KALRN: variants seen among roughly 807,000 people sequenced by gnomAD.
KALRN encodes the protein kalirin RhoGEF kinase, also known as kalirin.
KALRN carries 70 observed loss-of-function variants against 353.7 expected under a neutral mutation model. The observed-to-expected ratio is 0.20, with a 90% CI of 0.16 to 0.24. The LOEUF (loss-of-function observed/expected upper bound fraction) is 0.24, where lower values mean the gene tolerates loss of function less well. Among genes scored for constraint, KALRN ranks in the 10% least tolerant of loss-of-function variants. The pLI, the probability that KALRN is intolerant of heterozygous loss-of-function variation, is 1.00. For synonymous variants in KALRN, 1,391 were observed against 1,434.8 expected, an observed-to-expected ratio of 0.97 and a Z score of 0.69; for missense variants, 2,791 against 3,756.7, an observed-to-expected ratio of 0.74 and a Z score of 6.72.
intron 1 of KALRN, among the ~76,000 whole-genome samples, chr3:124,218,838 A>G (rs2077594945): frequency 6.6e-6 from 1 of 152,216 alleles, no homozygotes; most frequent in Non-Finnish European, 1.5e-5. Flanking sequence ...GAGAGGCGTT[A>G]CCCATATGTT....
chr3:124,134,422 C>T (rs540020672), intron 1 of KALRN, among the ~76,000 whole-genome samples: 3 of 152,160 alleles, frequency 2.0e-5, no homozygotes, highest in African/African-American at 7.2e-5. Context: ...TATAAAAATT[C>T]TAGAAGACAG....
intron 14 of KALRN, among the ~76,000 whole-genome samples, chr3:124,420,098 G>C (rs895923508): frequency 6.6e-5 from 10 of 152,174 alleles, no homozygotes; most frequent in African/African-American, 2.4e-4. Flanking sequence ...TGTTCCTGAG[G>C]CATGCAGAGG....
chr3:124,084,243 T>C (rs2060689716), intron 1 of KALRN, among the ~76,000 whole-genome samples: 1 of 152,234 alleles, frequency 6.6e-6, no homozygotes, highest in South Asian at 2.1e-4. Flanking sequence ...TGGTTCTGCT[T>C]TCTTTCCTTC....
intron 10 of KALRN, among the ~76,000 whole-genome samples, chr3:124,384,139 G>A (rs2087832476): frequency 6.6e-6 from 1 of 152,154 alleles, no homozygotes; most frequent in African/African-American, 2.4e-5. Flanking sequence ...AAATGCTCTG[G>A]AGAATACCAT....
At chr3:124,577,469 A>G (rs2074224757) in intron 34 of KALRN, among the ~76,000 whole-genome samples, 1 of 152,164 alleles carries the variant, frequency 6.6e-6, no homozygotes, top group Non-Finnish European at 1.5e-5. Flanking sequence ...AAACAGAGAT[A>G]AGAAGGAGAA....
intron 28 of KALRN, among the ~76,000 whole-genome samples, chr3:124,486,092 G>C (rs139372188): frequency 6.6e-6 from 1 of 152,072 alleles, no homozygotes; most frequent in African/African-American, 2.4e-5. Flanking sequence ...GAAACTTTAC[G>C]TCAGAGTGCT....
chr3:124,515,897 A>C (rs1043420767), intron 33 of KALRN, among the ~76,000 whole-genome samples: 12 of 152,152 alleles, frequency 7.9e-5, no homozygotes, highest in African/African-American at 2.7e-4. Flanking sequence ...GGGCTATATA[A>C]AATAATGGCT....
chr3:124,397,706 A>G (rs1040168394), intron 12 of KALRN, among the ~76,000 whole-genome samples: 2 of 152,184 alleles, frequency 1.3e-5, no homozygotes, highest in African/African-American at 4.8e-5. Flanking sequence ...TCCCTCTATA[A>G]GGCATCACCT....
intron 33 of KALRN, among the ~76,000 whole-genome samples, chr3:124,510,422 A>G (rs1034866758): frequency 1.3e-5 from 2 of 152,182 alleles, no homozygotes; most frequent in African/African-American, 2.4e-5. Flanking sequence ...GGTTTGGGAA[A>G]TAAAACTGGA....
intron 34 of KALRN, among the ~76,000 whole-genome samples, chr3:124,563,898 G>A (rs1017842327): frequency 2.6e-5 from 4 of 151,944 alleles, no homozygotes; most frequent in Non-Finnish European, 5.9e-5. Context: ...GGGAGGCTGA[G>A]GCAGGAGAAT....
chr3:124,095,055 G>A (rs778207376), intron 1 of KALRN: 1 of 775,156 alleles, frequency 1.3e-6, no homozygotes, highest in South Asian at 1.6e-5. Flanking sequence ...GCAAACCCAT[G>A]GAAAGTAAAG....
At chr3:124,304,885 C>T (rs1327114495) in intron 6 of KALRN, among the ~76,000 whole-genome samples, 2 of 152,174 alleles carry the variant, frequency 1.3e-5, no homozygotes, top group Admixed American at 6.5e-5. Flanking sequence ...TTGCTGAAGC[C>T]AAGTTCTGGG....
chr3:124,692,890 T>C (rs1402384707), intron 51 of KALRN, among the ~76,000 whole-genome samples: 1 of 152,190 alleles, frequency 6.6e-6, no homozygotes, highest in African/African-American at 2.4e-5. Flanking sequence ...CTGTACAATC[T>C]GGACATGGAT....
intron 33 of KALRN, among the ~76,000 whole-genome samples, chr3:124,521,883 A>G (rs2109019578): frequency 6.6e-6 from 1 of 152,266 alleles, no homozygotes; most frequent in South Asian, 2.1e-4. Flanking sequence ...TTCAACAAAT[A>G]TATACTGAGT....
At chr3:124,084,891 CAG>C (rs1344057269) in intron 1 of KALRN, among the ~76,000 whole-genome samples, 2 of 152,182 alleles carry the variant, frequency 1.3e-5, no homozygotes, top group African/African-American at 4.8e-5. Flanking sequence ...ACCAGATGTT[CAG>C]AGTCTTCCAT....
At chr3:124,578,031 A>G (rs915543387) in intron 34 of KALRN, among the ~76,000 whole-genome samples, 1 of 152,190 alleles carries the variant, frequency 6.6e-6, no homozygotes, top group Non-Finnish European at 1.5e-5. Context: ...AGAAACCCCA[A>G]CCTTATGTCC....
intron 6 of KALRN, among the ~76,000 whole-genome samples, chr3:124,305,822 A>C (rs2077642312): frequency 6.6e-6 from 1 of 152,190 alleles, no homozygotes; most frequent in South Asian, 2.1e-4. Flanking sequence ...AATTTTCAAC[A>C]AAAAAATTAT....
At chr3:124,139,939 G>A (rs1014104256) in intron 1 of KALRN, among the ~76,000 whole-genome samples, 4 of 151,958 alleles carry the variant, frequency 2.6e-5, no homozygotes, top group Non-Finnish European at 4.4e-5. Context: ...TTTCTGTTGC[G>A]CTTTGCCGTG....
At chr3:124,177,479 A>G (rs1454750492) in intron 1 of KALRN, among the ~76,000 whole-genome samples, 4 of 152,202 alleles carry the variant, frequency 2.6e-5, no homozygotes, top group Admixed American at 6.5e-5. Flanking sequence ...AAGATGGACC[A>G]GGATGACTGG....
Sources: gnomAD v4.1 joint callset for allele counts (sites outside exome capture counted in the v4.1 genomes callset) on GRCh38, gnomAD v4.1.1 for gene constraint, MANE v1.5 for transcripts, NCBI Gene and HGNC (gene_info 2026-07-23, HGNC 2026-07-21) for gene names.